The following EPHA7 variants were observed in gnomAD, a reference collection of about 807,000 sequenced individuals.
The protein encoded by EPHA7 is EPH receptor A7.
A neutral mutation model predicts 112.6 loss-of-function variants in EPHA7; 25 were observed. That is an observed-to-expected ratio of 0.22 (90% confidence interval 0.16 to 0.31). EPHA7 has a LOEUF of 0.31. EPHA7 is among the 10% of genes least tolerant of loss of function. The probability of loss-of-function intolerance (pLI) is 1.00; values close to 1 mark genes in which losing one functional copy is unlikely to be tolerated. For synonymous variants in EPHA7, 437 were observed against 406.5 expected, an observed-to-expected ratio of 1.07 and a Z score of -0.90; for missense variants, 962 against 1,212.6, an observed-to-expected ratio of 0.79 and a Z score of 3.07.
chr6:93,361,654 T>C (rs532933662), intron 3 of EPHA7, among the ~76,000 whole-genome samples: 1 of 152,200 alleles, frequency 6.6e-6, no homozygotes, highest in South Asian at 2.1e-4. Context: ...TTCTGGAAAC[T>C]ACTAGTAAAA....
intron 5 of EPHA7, among the ~76,000 whole-genome samples, chr6:93,329,511 G>A (rs1233847472): frequency 1.3e-5 from 2 of 151,238 alleles, no homozygotes; most frequent in Non-Finnish European, 3.0e-5. Context: ...AAGAACATGA[G>A]TGCTATGCCA....
chr6:93,268,390 C>T (rs1170827847), intron 7 of EPHA7, among the ~76,000 whole-genome samples: 1 of 151,808 alleles, frequency 6.6e-6, no homozygotes, highest in Non-Finnish European at 1.5e-5. Context: ...TATCAATTTA[C>T]TCCACCTTTT....
intron 1 of EPHA7, among the ~76,000 whole-genome samples, chr6:93,416,596 C>G (rs1481777267): frequency 6.6e-6 from 1 of 152,218 alleles, no homozygotes; most frequent in Non-Finnish European, 1.5e-5. Flanking sequence ...TCAAGTGATC[C>G]GTGCGTCTCT....
intron 3 of EPHA7, among the ~76,000 whole-genome samples, chr6:93,405,528 T>A (rs1044015023): frequency 2.0e-5 from 3 of 151,738 alleles, no homozygotes; most frequent in Admixed American, 2.0e-4. Context: ...TGTTTTATTA[T>A]TAATGATAAG....
rs1243527994 is a variant in EPHA7, at chr6:93,364,907, A to G, written c.833-6496T>C. Among the ~76,000 whole-genome samples the G allele has an allele frequency of 4.6e-5, 7 of 152,296 alleles. No homozygotes were observed. In the East Asian group the frequency reaches 1.4e-3, roughly 29 times the overall value. On this transcript the variant is annotated intron_variant, in intron 3 of 16. Coordinates refer to ENST00000369303, the MANE Select transcript of EPHA7 (RefSeq NM_004440.4). ...GAGTAATAATTTTATCACTTAAAAA[A>G]CAGTCTTACCAAAACCAAGCTTATA... is the stretch of plus-strand genomic sequence containing the variant.
At chr6:93,309,742 T>G (rs1488517964) in intron 5 of EPHA7, among the ~76,000 whole-genome samples, 1 of 152,076 alleles carries the variant, frequency 6.6e-6, no homozygotes, top group African/African-American at 2.4e-5. Context: ...TCAACATATG[T>G]GAAGAACAAA....
chr6:93,418,055 A>C (rs770377721), intron 1 of EPHA7, among the ~76,000 whole-genome samples: 1 of 152,144 alleles, frequency 6.6e-6, no homozygotes, highest in Non-Finnish European at 1.5e-5. Context: ...CCTAAATTTC[A>C]TAACAGATTC....
chr6:93,249,229 A>C (rs932013394), intron 14 of EPHA7, among the ~76,000 whole-genome samples: 1 of 152,160 alleles, frequency 6.6e-6, no homozygotes. Context: ...AAACAAATAT[A>C]TACAAATGGT....
At chr6:93,263,556 T>C (rs1770787805) in intron 9 of EPHA7, among the ~76,000 whole-genome samples, 1 of 151,442 alleles carries the variant, frequency 6.6e-6, no homozygotes, top group Non-Finnish European at 1.5e-5. Context: ...ACATGCAACC[T>C]TTAATGTATT....
intron 6 of EPHA7, among the ~76,000 whole-genome samples, chr6:93,271,370 G>A (rs906511807): frequency 6.6e-6 from 1 of 151,704 alleles, no homozygotes; most frequent in African/African-American, 2.4e-5. Flanking sequence ...TTTTCTCAAA[G>A]CTTTAAGCTC....
intron 5 of EPHA7, among the ~76,000 whole-genome samples, chr6:93,316,594 T>C (rs1430958220): frequency 6.6e-6 from 1 of 152,172 alleles, no homozygotes; most frequent in African/African-American, 2.4e-5. Flanking sequence ...ACCTATCAGA[T>C]ACAAACTGCT....
chr6:93,331,826 C>T (rs1774609727), intron 5 of EPHA7, among the ~76,000 whole-genome samples: 1 of 151,494 alleles, frequency 6.6e-6, no homozygotes, highest in African/African-American at 2.4e-5. Flanking sequence ...CTATTGTAAA[C>T]CACTATGTCA....
intron 7 of EPHA7, among the ~76,000 whole-genome samples, chr6:93,268,923 T>C (rs925193418): frequency 1.2e-4 from 18 of 151,832 alleles, no homozygotes; most frequent in African/African-American, 4.3e-4. Context: ...GATTCCTTAG[T>C]ATGCATGAAA....
rs186724780 is a variant in EPHA7, at chr6:93,372,621, C to T, written c.833-14210G>A. ...AAACAATTTTTAGCAAGATAAGATG[C>T]ATTGCTTTTTGATTGTTATTTCCAT... On this transcript the variant is annotated intron_variant, in intron 3 of 16. Transcript: ENST00000369303. Among the ~76,000 whole-genome samples the T allele has an allele frequency of 2.6e-5, 4 of 152,144 alleles. No homozygotes were observed. The East Asian group carries it at 7.7e-4, about 29-fold the overall frequency.
chr6:93,402,100 AAC>A (rs1384017009), intron 3 of EPHA7, among the ~76,000 whole-genome samples: 4 of 152,002 alleles, frequency 2.6e-5, no homozygotes, highest in African/African-American at 9.7e-5. Flanking sequence ...GTTAATTAGA[AAC>A]ACTCTGAAGT....
chr6:93,280,052 G>C (rs1771655841), intron 5 of EPHA7, among the ~76,000 whole-genome samples: 1 of 152,100 alleles, frequency 6.6e-6, no homozygotes, highest in South Asian at 2.1e-4. Flanking sequence ...ATAGTATAAA[G>C]AGTTGTATGA....
intron 3 of EPHA7, among the ~76,000 whole-genome samples, chr6:93,380,260 T>C (rs569533929): frequency 6.6e-6 from 1 of 152,158 alleles, no homozygotes; most frequent in African/African-American, 2.4e-5. Flanking sequence ...AGACAAATAC[T>C]TTGGGAGGGG....
intron 3 of EPHA7, among the ~76,000 whole-genome samples, chr6:93,403,639 C>A (rs1401866179): frequency 7.1e-6 from 1 of 140,250 alleles, no homozygotes; most frequent in Non-Finnish European, 1.5e-5. Context: ...CCCACCTGGG[C>A]AACATGGCAA....
chr6:93,391,144 T>A (rs1025230552), intron 3 of EPHA7, among the ~76,000 whole-genome samples: 5 of 151,962 alleles, frequency 3.3e-5, no homozygotes, highest in African/African-American at 9.7e-5. Flanking sequence ...TGTAGCCTTG[T>A]TATAAGTGTA....
Sources: allele counts gnomAD v4.1 joint callset (sites outside exome capture counted in the v4.1 genomes callset), GRCh38; gene constraint gnomAD v4.1.1; transcripts MANE v1.5; gene names NCBI Gene and HGNC (gene_info 2026-07-23, HGNC 2026-07-21).